Variants in IFNAR1 observed in about 807,000 individuals in gnomAD.
IFNAR1 encodes the protein interferon alpha/beta receptor 1.
IFNAR1 carries 47 observed loss-of-function variants against 62.1 expected under a neutral mutation model. That is an observed-to-expected ratio of 0.76 (90% confidence interval 0.60 to 0.97). IFNAR1 has a LOEUF of 0.97. IFNAR1 is among the 50% of genes least tolerant of loss of function. The probability of loss-of-function intolerance (pLI) is 0.00; values close to 1 mark genes in which losing one functional copy is unlikely to be tolerated. For synonymous variants in IFNAR1, 219 were observed against 226.9 expected (o/e 0.97, Z 0.31); for missense variants, 638 against 654.5 (o/e 0.97, Z 0.27).
In IFNAR1 at chr21:33,345,291, A is replaced by G; in HGVS notation, c.719A>G (p.Gln240Arg). 1.2e-6 allele frequency: 2 copies of G among 1,607,450 alleles called. No homozygotes were observed. Among genetic ancestry groups the G allele is most frequent in the Non-Finnish European group, 1.7e-6 (2 of 1,174,640 alleles). ...PPPENIEVSV[Q>R]NQNYVLKWDY... ...CCAGAAAATATAGAAGTCAGTGTCCAAAATCAGAACTATGTTCTTAAATGG... is the reference window on the plus strand; with the variant it reads ...CCAGAAAATATAGAAGTCAGTGTCCGAAATCAGAACTATGTTCTTAAATGG... The change falls in exon 6 of 11, where the codon CAA (glutamine) becomes CGA (arginine). Residue 240 changes from glutamine to arginine, a missense_variant. Physicochemically the swap from Gln to Arg is conservative, Grantham distance 43 (BLOSUM62 1). Coordinates refer to ENST00000270139, the MANE Select transcript of IFNAR1 (RefSeq NM_000629.3).
intron 1 of IFNAR1, among the ~76,000 whole-genome samples, chr21:33,328,649 A>T (rs1601852121): frequency 1.3e-5 from 2 of 152,312 alleles, no homozygotes; most frequent in South Asian, 4.1e-4. Context: ...TAGCCTAGTA[A>T]ATGCAATTCT....
At chr21:33,341,464 A>G (rs149997386) in intron 3 of IFNAR1, among the ~76,000 whole-genome samples, 1 of 152,250 alleles carries the variant, frequency 6.6e-6, no homozygotes, top group African/African-American at 2.4e-5. Context: ...TCTTTCTTGT[A>G]TTCACAGTGG....
chr21:33,334,516 T>C (rs2083214158), intron 1 of IFNAR1: 1 of 404,028 alleles, frequency 2.5e-6, no homozygotes, highest in Non-Finnish European at 4.8e-6. Context: ...AAGATGTTCT[T>C]AGATAGACAA....
At chr21:33,333,597 A>C (rs1031360784) in intron 1 of IFNAR1, among the ~76,000 whole-genome samples, 3 of 150,534 alleles carry the variant, frequency 2.0e-5, no homozygotes, top group Non-Finnish European at 2.9e-5. Context: ...TTCCATACTT[A>C]AAGAGACTGG....
intron 5 of IFNAR1, among the ~76,000 whole-genome samples, chr21:33,344,769 T>TTTAC (rs750899103): frequency 0.29 from 33,625 of 114,712 alleles, 4,105 homozygotes; most frequent in Non-Finnish European, 0.33. Flanking sequence ...TTTTTACTTA[T>TTTAC]TTATTTATTT....
At chr21:33,352,563 A>G (rs149560617) in intron 8 of IFNAR1, among the ~76,000 whole-genome samples, 195 bp from the exon 9 acceptor site, 1,558 of 152,244 alleles carry the variant, frequency 0.01, 33 homozygotes, top group African/African-American at 0.034. Context: ...AGATTGCACC[A>G]CTGCACTCTA....
Position 33,341,008 on chromosome 21 carries a change from G to A in IFNAR1, c.210G>A (p.Met70Ile). Residue 70 changes from methionine to isoleucine, a missense_variant, in exon 3 of 11, where the codon ATG becomes ATA. Physicochemically the swap from Met to Ile is conservative, Grantham distance 10 (BLOSUM62 1). Transcript: ENST00000270139. ...TTTTTTTACTTTAAAGAACTGGGAT[G>A]GATAATTGGATAAAATTGTCTGGGT... ...TFSFDYQKTGMDNWIKLSGCQ... is the reference protein window; with the variant it reads ...TFSFDYQKTGIDNWIKLSGCQ... 5 of 1,604,910 alleles carry A rather than the reference G, an allele frequency of 3.1e-6. No homozygotes were observed. The highest frequency in any genetic ancestry group is 4.3e-6 in the Non-Finnish European group (5 of 1,172,994).
Position 33,343,581 on chromosome 21 carries a change from C to T in IFNAR1, c.578C>T (p.Ser193Leu), listed in dbSNP as rs777158142. The T allele has an allele frequency of 2.6e-6, 4 of 1,556,654 alleles. No homozygotes were observed. Among genetic ancestry groups the T allele is most frequent in the African/African-American group, 2.7e-5 (2 of 73,668 alleles). Residue 193 changes from serine (S) to leucine (L), a missense_variant, in exon 5 of 11, where the codon TCA (serine) becomes TTA (leucine). Ser to Leu is a moderately radical substitution (Grantham distance 145). Coordinates refer to ENST00000270139, the MANE Select transcript of IFNAR1 (RefSeq NM_000629.3). The part of the protein sequence containing the change: ...IYSRHKIYKL[S>L]PETTYCLKVK... Reference sequence around the variant, plus strand: ...TCCAGACATAAAATTTATAAACTCTCACCAGAGACTACTTATTGTCTAAAA... The same window carrying T: ...TCCAGACATAAAATTTATAAACTCTTACCAGAGACTACTTATTGTCTAAAA...
rs907575928 is a variant in IFNAR1 at position 33,358,712 on chromosome 21, G to A, written c.*3163G>A. ...AAAAAAGTTACTTTTAAAAATATAA[G>A]TTAGGGCTAGGCACAGTGGCTCATG... On this transcript the variant is annotated 3_prime_UTR_variant, in exon 11 of 11. Transcript: ENST00000270139. 1 of 151,986 alleles carries A rather than the reference G, an allele frequency of 6.6e-6. No homozygotes were observed. Among genetic ancestry groups the A allele is most frequent in the Non-Finnish European group, 1.5e-5 (1 of 68,014 alleles). The allele number at this position is 151,986 out of a possible 1,614,324, so 9.4% of individuals were successfully genotyped here. A position where few individuals can be genotyped will look rare whatever the true frequency, so the allele number is the denominator to read the frequency against.
chr21:33,342,856 CA>C (rs34814637), intron 3 of IFNAR1, among the ~76,000 whole-genome samples: 79 of 142,534 alleles, frequency 5.5e-4, no homozygotes, highest in Middle Eastern at 3.6e-3. Context: ...GACTCCGTCT[CA>C]AAAAAAAAAA....
At position 33,343,412 on chromosome 21, in the gene IFNAR1, C is replaced by T; in HGVS notation, c.521C>T (p.Ser174Leu). The change falls in exon 4 of 11, where the codon TCA becomes TTA. Residue 174 changes from serine (S) to leucine (L), a missense_variant. Transcript: ENST00000270139. ...TYSLVIWKNS[S>L]GVEERIENIY... ...AGCTTAGTTATCTGGAAAAACTCTTCAGGTGTAGAAGTAAGCATTATTTTT... is the reference window on the plus strand; with the variant it reads ...AGCTTAGTTATCTGGAAAAACTCTTTAGGTGTAGAAGTAAGCATTATTTTT... The T allele has an allele frequency of 6.2e-7, 1 of 1,611,676 alleles. No individual in the cohort carries two copies. The highest frequency in any genetic ancestry group is 8.5e-7 in the Non-Finnish European group (1 of 1,178,150).
rs983744851 is a variant in IFNAR1, at chr21:33,358,869, T to C, written c.*3320T>C. 1 of 151,648 alleles carries C rather than the reference T, an allele frequency of 6.6e-6. No homozygotes were observed. Among genetic ancestry groups the C allele is most frequent in the Non-Finnish European group, 1.5e-5 (1 of 67,944 alleles). 9.4% of individuals were successfully genotyped at this position (151,648 alleles called of 1,614,324 possible). A position where few individuals can be genotyped will look rare whatever the true frequency, so the allele number is the denominator to read the frequency against. ...TATATATATATATAAAACTTAGAGT[T>C]TTTATCTTCCCCTAAAAGAGGCCGT... On this transcript the variant is annotated 3_prime_UTR_variant, in exon 11 of 11. Coordinates refer to ENST00000270139, the MANE Select transcript of IFNAR1 (RefSeq NM_000629.3).
chr21:33,344,765 C>CTTATTTAT (rs11421099), intron 5 of IFNAR1, among the ~76,000 whole-genome samples: 24,459 of 121,724 alleles, frequency 0.2, 2,298 homozygotes, highest in Non-Finnish European at 0.25. Flanking sequence ...TTCTTTTTTA[C>CTTATTTAT]TTATTTATTT....
chr21:33,349,667 G>T, intron 8 of IFNAR1, 124 bp downstream of exon 8: 3 of 693,068 alleles, frequency 4.3e-6, no homozygotes, highest in Non-Finnish European at 7.0e-6. Context: ...GCAGTGGCCT[G>T]TAATCCCAGC....
intron 2 of IFNAR1, among the ~76,000 whole-genome samples, chr21:33,336,679 C>T (rs912600286): frequency 6.6e-6 from 1 of 151,976 alleles, no homozygotes; most frequent in South Asian, 2.1e-4. Context: ...TGGAATAGGC[C>T]ACCAGGTTTC....
chr21:33,332,922 C>T (rs17875788), intron 1 of IFNAR1, among the ~76,000 whole-genome samples: 2,518 of 152,240 alleles, frequency 0.017, 81 homozygotes, highest in African/African-American at 0.058. Context: ...AGGTAAGAGG[C>T]ATATACAAAC....
intron 1 of IFNAR1, among the ~76,000 whole-genome samples, chr21:33,331,950 T>C (rs1017711065): frequency 3.3e-5 from 5 of 152,190 alleles, no homozygotes; most frequent in Non-Finnish European, 5.9e-5. Flanking sequence ...ATCCTGGCTC[T>C]GTGAGCAACT....
chr21:33,324,925 G>A, upstream of IFNAR1: 1 of 702,742 alleles, frequency 1.4e-6, no homozygotes, highest in Non-Finnish European at 2.4e-6. Flanking sequence ...CGCGTGCGTA[G>A]AGGGGCGGTG....
At chr21:33,332,744 A>G (rs1023076791) in intron 1 of IFNAR1, among the ~76,000 whole-genome samples, 2 of 152,194 alleles carry the variant, frequency 1.3e-5, no homozygotes, top group South Asian at 4.1e-4. Context: ...TACAATAAAG[A>G]GCTTCAATAA....
Sources: allele counts gnomAD v4.1 joint callset (sites outside exome capture counted in the v4.1 genomes callset), GRCh38; gene constraint gnomAD v4.1.1; transcripts MANE v1.5; gene names NCBI Gene and HGNC (gene_info 2026-07-23, HGNC 2026-07-21).